Variants in KCNG2 observed in about 807,000 individuals in gnomAD.
KCNG2 encodes the protein potassium voltage-gated channel modifier subfamily G member 2.
A neutral mutation model predicts 12.3 loss-of-function variants in KCNG2; 7 were observed. The observed-to-expected ratio is 0.57, with a 90% CI of 0.32 to 1.07. The LOEUF is 1.07. KCNG2 is among the 50% of genes least tolerant of loss of function. The pLI is 0.04. For synonymous variants in KCNG2, 414 were observed against 351.4 expected (o/e 1.18, Z -1.99); for missense variants, 703 against 726.0 (o/e 0.97, Z 0.36).
At chr18:79,854,265 A>C (rs1268296395) in intron 1 of KCNG2, among the ~76,000 whole-genome samples, 3 of 152,224 alleles carry the variant, frequency 2.0e-5, no homozygotes. Flanking sequence ...GTGTGAGGGC[A>C]GCAGTGGCCG....
intron 1 of KCNG2, among the ~76,000 whole-genome samples, chr18:79,799,371 GT>G (rs1024526773): frequency 1.1e-4 from 16 of 152,184 alleles, no homozygotes. Flanking sequence ...CTCTGGGATG[GT>G]GCAGGGTACA....
chr18:79,846,095 G>A (rs541731516), intron 1 of KCNG2, among the ~76,000 whole-genome samples: 2 of 147,734 alleles, frequency 1.4e-5, no homozygotes, highest in East Asian at 4.1e-4. Flanking sequence ...TGTCTTGGCT[G>A]GGCGCGGTGG....
intron 1 of KCNG2, among the ~76,000 whole-genome samples, chr18:79,836,582 A>T (rs1308008219): frequency 6.6e-6 from 1 of 152,204 alleles, no homozygotes; most frequent in Non-Finnish European, 1.5e-5. Flanking sequence ...TGGGTAATTT[A>T]TGAAGAAAAA....
At chr18:79,821,944 T>A (rs2087573997) in intron 1 of KCNG2, among the ~76,000 whole-genome samples, 1 of 152,186 alleles carries the variant, frequency 6.6e-6, no homozygotes, top group South Asian at 2.1e-4. Flanking sequence ...TAGGACGGGC[T>A]TTTTCATTTC....
chr18:79,805,311 T>G (rs977675237), intron 1 of KCNG2, among the ~76,000 whole-genome samples: 1 of 152,214 alleles, frequency 6.6e-6, no homozygotes, highest in Non-Finnish European at 1.5e-5. Flanking sequence ...AATACATGGC[T>G]TTTTGCTGTA....
intron 1 of KCNG2, among the ~76,000 whole-genome samples, chr18:79,825,112 T>TA (rs1255752437): frequency 2.6e-5 from 4 of 152,148 alleles, no homozygotes; most frequent in African/African-American, 9.7e-5. Flanking sequence ...CAGTCAGTAG[T>TA]AACTTTCTGT....
intron 3 of KCNG2, among the ~76,000 whole-genome samples, chr18:79,895,968 A>G (rs572535525): frequency 3.4e-4 from 52 of 152,254 alleles, no homozygotes; most frequent in African/African-American, 1.2e-3. Context: ...TTAGATATAT[A>G]TATGTATTTT....
At chr18:79,809,900 A>G (rs2087481532) in intron 1 of KCNG2, among the ~76,000 whole-genome samples, 1 of 151,924 alleles carries the variant, frequency 6.6e-6, no homozygotes, top group Admixed American at 6.5e-5. Flanking sequence ...TCCTCCCACT[A>G]TCGTGACGCT....
intron 1 of KCNG2, among the ~76,000 whole-genome samples, chr18:79,826,328 G>T (rs1360400619): frequency 6.6e-6 from 1 of 152,280 alleles, no homozygotes; most frequent in Non-Finnish European, 1.5e-5. Flanking sequence ...CCCCTCCAGA[G>T]CCAGGCTCCA....
At chr18:79,852,506 C>T (rs1978859275) in intron 1 of KCNG2, among the ~76,000 whole-genome samples, 1 of 152,274 alleles carries the variant, frequency 6.6e-6, no homozygotes, top group Admixed American at 6.5e-5. Flanking sequence ...AGCTCTCAGC[C>T]CCTGCACTCG....
At chr18:79,863,558 G>C in intron 2 of KCNG2, 70 bp from the exon 3 acceptor site, 2 of 1,108,146 alleles carry the variant, frequency 1.8e-6, no homozygotes, top group Non-Finnish European at 2.2e-6. Flanking sequence ...CCGGCCCCTG[G>C]ATCCCCGCGG....
At chr18:79,891,357 A>G (rs1599436833) in intron 3 of KCNG2, among the ~76,000 whole-genome samples, 1 of 152,020 alleles carries the variant, frequency 6.6e-6, no homozygotes, top group East Asian at 1.9e-4. Context: ...CAGCCCCCCA[A>G]GTAGCTGGGA....
chr18:79,860,829 C>T (rs550896179), intron 2 of KCNG2, among the ~76,000 whole-genome samples: 1 of 152,266 alleles, frequency 6.6e-6, no homozygotes, highest in Non-Finnish European at 1.5e-5. Flanking sequence ...ATTTTTCTGA[C>T]TATAATTTCC....
intron 1 of KCNG2, among the ~76,000 whole-genome samples, chr18:79,823,178 G>C (rs372612737): frequency 6.6e-6 from 1 of 152,166 alleles, no homozygotes; most frequent in Non-Finnish European, 1.5e-5. Flanking sequence ...AAGTCATCTC[G>C]TGGCAGGCCT....
chr18:79,825,383 G>A (rs184747835), intron 1 of KCNG2, among the ~76,000 whole-genome samples: 1 of 152,234 alleles, frequency 6.6e-6, no homozygotes, highest in Non-Finnish European at 1.5e-5. Flanking sequence ...TATAAGCCTT[G>A]TTTTCAAAGC....
chr18:79,862,814 G>A (rs371323611), intron 2 of KCNG2, among the ~76,000 whole-genome samples: 1 of 152,198 alleles, frequency 6.6e-6, no homozygotes, highest in Non-Finnish European at 1.5e-5. Flanking sequence ...CCAAGACACC[G>A]GAGATGAAGG....
intron 1 of KCNG2, among the ~76,000 whole-genome samples, chr18:79,805,411 C>T (rs888770834): frequency 2.0e-5 from 3 of 152,214 alleles, no homozygotes; most frequent in African/African-American, 4.8e-5. Context: ...CCGGCACCTG[C>T]GGAGCTTCCT....
chr18:79,859,705 T>C (rs1979145015), intron 2 of KCNG2, among the ~76,000 whole-genome samples: 1 of 152,228 alleles, frequency 6.6e-6, no homozygotes, highest in South Asian at 2.1e-4. Context: ...TACATGTGGA[T>C]AACCGTTTGT....
chr18:79,849,598 C>T (rs1414208809), intron 1 of KCNG2, among the ~76,000 whole-genome samples: 1 of 152,278 alleles, frequency 6.6e-6, no homozygotes, highest in East Asian at 1.9e-4. Context: ...GCGGTAAAGA[C>T]AACCGTTGTT....
Sources: gnomAD v4.1 joint callset for allele counts (sites outside exome capture counted in the v4.1 genomes callset) on GRCh38, gnomAD v4.1.1 for gene constraint, MANE v1.5 for transcripts, NCBI Gene and HGNC (gene_info 2026-07-23, HGNC 2026-07-21) for gene names.